The following RALYL variants were observed in gnomAD, a reference collection of about 807,000 sequenced individuals.
The protein encoded by RALYL is RALY RNA binding protein like.
Under a neutral mutation model 35.1 loss-of-function variants are expected in RALYL, and 29 were observed. That is an observed-to-expected ratio of 0.83 (90% CI 0.61 to 1.13). RALYL has a LOEUF of 1.13. RALYL is among the 50% of genes most tolerant of loss of function. RALYL has a pLI of 0.00. For synonymous variants in RALYL, 120 were observed against 127.6 expected (o/e 0.94, Z 0.40); for missense variants, 359 against 360.4 (o/e 1.00, Z 0.03).
At chr8:84,485,190 A>G (rs2054478407) in intron 1 of RALYL, among the ~76,000 whole-genome samples, 1 of 151,892 alleles carries the variant, frequency 6.6e-6, no homozygotes, top group South Asian at 2.1e-4. Flanking sequence ...CATGAGTTTT[A>G]TTTTTCTTTA....
At chr8:84,520,142 T>C (rs1320672085) in intron 1 of RALYL, among the ~76,000 whole-genome samples, 2 of 152,238 alleles carry the variant, frequency 1.3e-5, no homozygotes, top group African/African-American at 4.8e-5. Context: ...AGTCTAATTA[T>C]TGTTCATTTG....
chr8:84,737,419 T>A (rs1847515898), intron 2 of RALYL, among the ~76,000 whole-genome samples: 1 of 151,998 alleles, frequency 6.6e-6, no homozygotes, highest in Non-Finnish European at 1.5e-5. Context: ...AGATTACCTC[T>A]TTTCTTTCTT....
chr8:84,210,557 T>C (rs567206574), intron 1 of RALYL, among the ~76,000 whole-genome samples: 139 of 152,136 alleles, frequency 9.1e-4, no homozygotes, highest in Non-Finnish European at 1.7e-3. Context: ...AAAATAGAAA[T>C]AAAGTATAAA....
chr8:84,615,369 G>A (rs546199858), intron 2 of RALYL, among the ~76,000 whole-genome samples: 11 of 149,850 alleles, frequency 7.3e-5, no homozygotes, highest in East Asian at 3.9e-4. Flanking sequence ...GTCCTTATGC[G>A]TAGCATGGGC....
intron 2 of RALYL, among the ~76,000 whole-genome samples, chr8:84,673,608 A>G (rs1234438768): frequency 6.6e-6 from 1 of 152,234 alleles, no homozygotes; most frequent in Admixed American, 6.5e-5. Flanking sequence ...CTAGCCTGTT[A>G]TCCCAGAACA....
chr8:84,267,066 T>C (rs991442204), intron 1 of RALYL, among the ~76,000 whole-genome samples: 4 of 151,858 alleles, frequency 2.6e-5, no homozygotes, highest in African/African-American at 7.3e-5. Flanking sequence ...CATGAGGACT[T>C]AAGCAGCGGA....
intron 4 of RALYL, among the ~76,000 whole-genome samples, chr8:84,827,790 A>G (rs929819650): frequency 6.6e-6 from 1 of 152,088 alleles, no homozygotes; most frequent in African/African-American, 2.4e-5. Flanking sequence ...ATTGAAGTAG[A>G]AGTACATACG....
At chr8:84,271,417 C>CA (rs1414199685) in intron 1 of RALYL, among the ~76,000 whole-genome samples, 1 of 149,620 alleles carries the variant, frequency 6.7e-6, no homozygotes, top group Non-Finnish European at 1.5e-5. Context: ...CTAGGACCCT[C>CA]ATGCAGTATT....
chr8:84,592,381 T>G, intron 2 of RALYL, among the ~76,000 whole-genome samples: 1 of 152,164 alleles, frequency 6.6e-6, no homozygotes, highest in Non-Finnish European at 1.5e-5. Flanking sequence ...AGCTTTCATT[T>G]TCTTTGCTTT....
At chr8:84,381,602 A>G (rs1858008088) in intron 1 of RALYL, among the ~76,000 whole-genome samples, 1 of 151,812 alleles carries the variant, frequency 6.6e-6, no homozygotes, top group South Asian at 2.1e-4. Context: ...TAAGGCCACT[A>G]TTTTTAATTT....
chr8:84,239,497 G>A (rs1354935005), intron 1 of RALYL, among the ~76,000 whole-genome samples: 2 of 152,152 alleles, frequency 1.3e-5, no homozygotes, highest in Non-Finnish European at 2.9e-5. Flanking sequence ...CATTATCACA[G>A]TAGTTACCTC....
At chr8:84,854,002 T>C (rs1385652381) in intron 5 of RALYL, among the ~76,000 whole-genome samples, 1 of 152,172 alleles carries the variant, frequency 6.6e-6, no homozygotes, top group Non-Finnish European at 1.5e-5. Context: ...ATGCCTGGTA[T>C]TTTTTAGTGC....
rs145571510 is a variant in RALYL at position 84,885,618 on chromosome 8, G to A, written c.686-1986G>A. The stretch of plus-strand genomic sequence containing the variant: ...AAGTTGATTTTAAAAACATCAAGGC[G>A]TGTATAGCTTGTGTCTATTTATATG... On this transcript the variant is annotated intron_variant, in intron 7 of 8. Transcript: ENST00000521268. 2.8e-4 allele frequency among the ~76,000 whole-genome samples: 42 copies of A among 152,226 alleles called. 1 individual carries two copies. The highest frequency in any genetic ancestry group is 6.8e-3 in the Middle Eastern group (2 of 292).
chr8:84,493,385 G>C (rs755414624), intron 1 of RALYL, among the ~76,000 whole-genome samples: 2 of 152,008 alleles, frequency 1.3e-5, no homozygotes, highest in African/African-American at 4.8e-5. Flanking sequence ...ATATGTGTGC[G>C]TGTATTTTTA....
intron 2 of RALYL, among the ~76,000 whole-genome samples, chr8:84,730,827 A>G (rs187705192): frequency 1.3e-5 from 2 of 152,294 alleles, no homozygotes; most frequent in Admixed American, 6.5e-5. Flanking sequence ...ATCATGGTAG[A>G]GGAATTAAAA....
chr8:84,581,850 A>G (rs1462949817), intron 2 of RALYL, among the ~76,000 whole-genome samples: 3 of 152,150 alleles, frequency 2.0e-5, no homozygotes, highest in Non-Finnish European at 4.4e-5. Context: ...TTCTCAATGA[A>G]TTATTCTTTT....
chr8:84,186,760 A>T (rs1366005330), intron 1 of RALYL, among the ~76,000 whole-genome samples: 2 of 152,138 alleles, frequency 1.3e-5, no homozygotes, highest in East Asian at 1.9e-4. Flanking sequence ...TTTATTTAAG[A>T]TTCATTTTTA....
chr8:84,546,467 T>C (rs896465655), intron 2 of RALYL, among the ~76,000 whole-genome samples: 8 of 152,200 alleles, frequency 5.3e-5, no homozygotes, highest in African/African-American at 1.9e-4. Flanking sequence ...CTGAATTTTG[T>C]CAAACGTCTT....
intron 2 of RALYL, among the ~76,000 whole-genome samples, chr8:84,531,159 A>G (rs1279823218): frequency 6.6e-6 from 1 of 152,302 alleles, no homozygotes; most frequent in East Asian, 1.9e-4. Flanking sequence ...CATGACCACA[A>G]ATATAAAGAT....
Sources: gnomAD v4.1 joint callset for allele counts (sites outside exome capture counted in the v4.1 genomes callset) on GRCh38, gnomAD v4.1.1 for gene constraint, MANE v1.5 for transcripts, NCBI Gene and HGNC (gene_info 2026-07-23, HGNC 2026-07-21) for gene names.